The following ARAP2 variants were observed in gnomAD, a reference collection of about 807,000 sequenced individuals.
ARAP2 encodes the protein ArfGAP with RhoGAP domain, ankyrin repeat and PH domain 2.
Under a neutral mutation model 194.5 loss-of-function variants are expected in ARAP2, and 148 were observed. The observed-to-expected ratio is 0.76, with a 90% confidence interval of 0.67 to 0.87. The LOEUF is 0.87. ARAP2 is among the 40% of genes least tolerant of loss of function. The probability of loss-of-function intolerance (pLI) is 0.00; values close to 1 mark genes in which losing one functional copy is unlikely to be tolerated. For synonymous variants in ARAP2, 695 were observed against 683.5 expected (o/e 1.02, Z -0.26); for missense variants, 2,128 against 1,989.7 (o/e 1.07, Z -1.32).
rs551063075 is a variant in ARAP2, at chr4:36,159,379, C to T, written c.2569G>A (p.Ala857Thr). 1.3e-5 allele frequency: 21 copies of T among 1,609,354 alleles called. No individual in the cohort carries two copies. The East Asian group carries it at 4.5e-4, about 34-fold the overall frequency. The stretch of plus-strand genomic sequence containing the variant: ...AATTCCATTTGCAGACTTTGCCCAG[C>T]TTTCTTGGCTAGCAGATAGGGGGTG... ...HSTPYLLAKK[A>T]GQSLQMEFLY... The change falls in exon 14 of 33, where the codon GCT (alanine) becomes ACT (threonine). Residue 857 changes from alanine to threonine, a missense_variant. Physicochemically the swap from Ala to Thr is moderately conservative, Grantham distance 58. Coordinates refer to ENST00000303965, the MANE Select transcript of ARAP2 (RefSeq NM_015230.4).
At chr4:36,109,669 T>C (rs1719343983) in intron 26 of ARAP2, among the ~76,000 whole-genome samples, 1 of 152,008 alleles carries the variant, frequency 6.6e-6, no homozygotes. Flanking sequence ...TATTTGAAGG[T>C]AAGACTAATT....
At chr4:36,028,828 A>C (rs1008122591) in intron 5 of ARAP2, among the ~76,000 whole-genome samples, 1 of 151,588 alleles carries the variant, frequency 6.6e-6, no homozygotes, top group Non-Finnish European at 1.5e-5. Flanking sequence ...TTTATTTACA[A>C]ATTTTATTTC....
chr4:36,110,755 T>C (rs1719745918), intron 26 of ARAP2, among the ~76,000 whole-genome samples: 1 of 151,954 alleles, frequency 6.6e-6, no homozygotes, highest in South Asian at 2.1e-4. Context: ...TAGTCAGAAC[T>C]TCCTGAAAAG....
At chr4:36,227,521 C>A (rs1056223859) in intron 2 of ARAP2, among the ~76,000 whole-genome samples, 1 of 152,116 alleles carries the variant, frequency 6.6e-6, no homozygotes, top group Non-Finnish European at 1.5e-5. Context: ...CACTAAATTG[C>A]CACCTTTTAT....
At chr4:36,178,124 CACAATCTAAATGCT>C in intron 8 of ARAP2, 119 bp from the exon 9 acceptor site, 1 of 856,560 alleles carries the variant, frequency 1.2e-6, no homozygotes, top group South Asian at 2.0e-5. Context: ...TTCCCACAAC[CACAATCTAAATGCT>C]ACTGTAAACA....
intron 10 of ARAP2, 80 bp from the exon 11 acceptor site, chr4:36,165,193 T>C: frequency 7.3e-7 from 1 of 1,376,486 alleles, no homozygotes; most frequent in Middle Eastern, 2.2e-4. Context: ...GCATATTCAT[T>C]TCACTCACAA....
rs192765274 is a variant in ARAP2, at chr4:36,223,614, G to C, written c.905+4968C>G. On this transcript the variant is annotated intron_variant, in intron 2 of 32. Transcript: ENST00000303965. Reference sequence around the variant, plus strand: ...TTCAAACTCTAACCCCCAACGTGGCGACTGTATTTAAATTAGGTAAGTAAT... The same window carrying C: ...TTCAAACTCTAACCCCCAACGTGGCCACTGTATTTAAATTAGGTAAGTAAT... 1.2e-4 allele frequency among the ~76,000 whole-genome samples: 18 copies of C among 152,172 alleles called. No homozygotes were observed. The East Asian group carries it at 3.3e-3, about 28-fold the overall frequency.
chr4:36,155,048 T>C (rs992427500), intron 15 of ARAP2, among the ~76,000 whole-genome samples: 1 of 152,266 alleles, frequency 6.6e-6, no homozygotes, highest in South Asian at 2.1e-4. Context: ...CCAGCAATTA[T>C]ATCTTTTTAT....
In ARAP2 at chr4:36,214,333, G is replaced by A; in HGVS notation, c.964+89C>T. On this transcript the variant is annotated intron_variant, in intron 3 of 32. Transcript: ENST00000303965. ...TATTTCCATTGTTCCCTATACCACA[G>A]GTGGGCTGCCTTCGCAATCATGATT... 4 of 1,024,636 alleles carry A rather than the reference G, an allele frequency of 3.9e-6. No individual in the cohort carries two copies. The South Asian group carries it at 7.1e-5, about 18-fold the overall frequency. The allele number at this position is 1,024,636 out of a possible 1,614,324, so 63.5% of individuals were successfully genotyped here. A position where few individuals can be genotyped will look rare whatever the true frequency, so the allele number is the denominator to read the frequency against.
chr4:36,028,603 C>T (rs573310555), intron 5 of ARAP2, among the ~76,000 whole-genome samples: 67 of 106,148 alleles, frequency 6.3e-4, no homozygotes, highest in Admixed American at 1.8e-3. Flanking sequence ...TAATGTTTGT[C>T]TTCTGTTTTT....
intron 5 of ARAP2, among the ~76,000 whole-genome samples, chr4:36,026,620 G>A (rs1445136227): frequency 6.6e-6 from 1 of 152,210 alleles, no homozygotes; most frequent in Non-Finnish European, 1.5e-5. Flanking sequence ...CTCAGCAGGA[G>A]ATTAACTCTG....
chr4:36,093,065 G>T (rs1017210566), intron 27 of ARAP2, among the ~76,000 whole-genome samples: 10 of 152,118 alleles, frequency 6.6e-5, no homozygotes, highest in African/African-American at 2.4e-4. Flanking sequence ...GGGACATGAT[G>T]GAGCTGGAGG....
At chr4:36,096,974 A>C (rs1715494236) in intron 27 of ARAP2, among the ~76,000 whole-genome samples, 1 of 152,096 alleles carries the variant, frequency 6.6e-6, no homozygotes, top group Non-Finnish European at 1.5e-5. Flanking sequence ...TAGATATTTA[A>C]ATTGCTTAAG....
In ARAP2 at chr4:36,020,131, CA is replaced by C. The variant is rs200504131; in HGVS notation, n.608-846del. ...TTATTATAATACCACGACAATCAGA[CA>C]GGGTGCGGCAGCTCATGCCTGTAAG... is the stretch of plus-strand genomic sequence containing the variant. On this transcript the variant is annotated intron_variant and non_coding_transcript_variant, in intron 5 of 12. Coordinates refer to the ARAP2 transcript ENST00000503225. 2.6e-3 allele frequency among the ~76,000 whole-genome samples: 396 copies of C among 152,314 alleles called. 2 individuals carry two copies. The highest frequency in any genetic ancestry group is 9.0e-3 in the African/African-American group (375 of 41,572).
chr4:36,198,285 G>A (rs193025918), intron 6 of ARAP2, among the ~76,000 whole-genome samples: 9 of 152,322 alleles, frequency 5.9e-5, no homozygotes, highest in Admixed American at 5.9e-4. Context: ...CTGATCCGGG[G>A]GCTTTTATGG....
rs115400937 is a variant in ARAP2 at position 36,009,994 on chromosome 4, T to C, written n.1325+2569A>G. Among the ~76,000 whole-genome samples, 813 of 152,174 alleles carry C rather than the reference T, an allele frequency of 5.3e-3. 3 individuals carry two copies. Among genetic ancestry groups the C allele is most frequent in the Non-Finnish European group, 8.9e-3 (607 of 67,976 alleles). ...TTGTTTTTCCCTTCTGTTAATTTTTTTGTTGCTAACATCACATAGGTCCTC... is the reference window on the plus strand; with the variant it reads ...TTGTTTTTCCCTTCTGTTAATTTTTCTGTTGCTAACATCACATAGGTCCTC... On this transcript the variant is annotated intron_variant and non_coding_transcript_variant, in intron 9 of 12. Transcript: ENST00000503225.
At chr4:36,239,315 A>T (rs1753058479) in intron 1 of ARAP2, among the ~76,000 whole-genome samples, 1 of 152,180 alleles carries the variant, frequency 6.6e-6, no homozygotes, top group Non-Finnish European at 1.5e-5. Context: ...CCTGACTATG[A>T]TCTTAAAGGT....
intron 10 of ARAP2, among the ~76,000 whole-genome samples, chr4:36,165,947 C>T (rs1200758711): frequency 1.3e-5 from 2 of 152,080 alleles, no homozygotes; most frequent in Non-Finnish European, 2.9e-5. Flanking sequence ...AAATGGCCTA[C>T]ATGAATTATA....
Position 36,244,282 on chromosome 4 carries a change from C to G in ARAP2, c.-263G>C, listed in dbSNP as rs1373052105. 1.3e-5 allele frequency: 2 copies of G among 151,960 alleles called. No individual in the cohort carries two copies. Among genetic ancestry groups the G allele is most frequent in the African/African-American group, 4.8e-5 (2 of 41,380 alleles). 9.4% of individuals were successfully genotyped at this position (151,960 alleles called of 1,614,324 possible). A position where few individuals can be genotyped will look rare whatever the true frequency, so the allele number is the denominator to read the frequency against. On this transcript the variant is annotated 5_prime_UTR_variant, in exon 1 of 33. Transcript: ENST00000303965. The stretch of plus-strand genomic sequence containing the variant: ...TGGGCGCTCGGTCCTCGCCCCTCTG[C>G]CGGAGGCGCCAGGCCTCCTCTTTCC...
Sources: gnomAD v4.1 joint callset for allele counts (sites outside exome capture counted in the v4.1 genomes callset) on GRCh38, gnomAD v4.1.1 for gene constraint, MANE v1.5 for transcripts, NCBI Gene and HGNC (gene_info 2026-07-23, HGNC 2026-07-21) for gene names.